M1AP: variants seen among roughly 807,000 people sequenced by gnomAD.
The protein encoded by M1AP is meiosis 1 arrest protein.
In M1AP, 39 loss-of-function variants were observed where a neutral mutation model predicts 51.2. That is an observed-to-expected ratio of 0.76 (90% CI 0.59 to 1.00). M1AP has a LOEUF of 1.00. Among genes scored for constraint, M1AP ranks in the 50% least tolerant of loss-of-function variants. The probability of loss-of-function intolerance (pLI) is 0.00; values close to 1 mark genes in which losing one functional copy is unlikely to be tolerated. For synonymous variants in M1AP, 251 were observed against 249.2 expected, an observed-to-expected ratio of 1.01 and a Z score of -0.07; for missense variants, 545 against 641.2, an observed-to-expected ratio of 0.85 and a Z score of 1.62.
chr2:74,643,020 A>T (rs1274967067), intron 1 of M1AP, among the ~76,000 whole-genome samples: 1 of 152,114 alleles, frequency 6.6e-6, no homozygotes, highest in African/African-American at 2.4e-5. Flanking sequence ...GCCCAGCTAT[A>T]ATTAATTTTT....
intron 5 of M1AP, chr2:74,576,945 C>CT: frequency 9.2e-7 from 1 of 1,091,622 alleles, no homozygotes; most frequent in South Asian, 2.8e-5. Context: ...GCTTGTGATC[C>CT]AGTCTGAGGA....
chr2:74,615,309 G>C (rs1398019024), intron 2 of M1AP, among the ~76,000 whole-genome samples, 160 bp from the exon 3 acceptor site: 1 of 151,666 alleles, frequency 6.6e-6, no homozygotes, highest in Non-Finnish European at 1.5e-5. Context: ...TCTAGCCACT[G>C]CACCAAAATC....
Position 74,575,517 on chromosome 2 carries a change from G to A in M1AP, c.995C>T (p.Pro332Leu). Residue 332 changes from proline (P) to leucine (L), a missense_variant, in exon 7 of 11, where the codon CCT (proline) becomes CTT (leucine). Transcript: ENST00000421985. ...LTYGLPFILR[P>L]TSCWQLDWDE... ...CCAGTCCAGCTGCCAACAGCTTGTA[G>A]GTCTGAGGATGAACGGGAGTCCATA... 1 of 1,614,154 alleles carries A rather than the reference G, an allele frequency of 6.2e-7. No individual in the cohort carries two copies. The highest frequency in any genetic ancestry group is 1.3e-5 in the African/African-American group (1 of 75,034).
At chr2:74,626,627 C>G (rs962509088) in intron 2 of M1AP, among the ~76,000 whole-genome samples, 2 of 152,004 alleles carry the variant, frequency 1.3e-5, no homozygotes, top group Non-Finnish European at 2.9e-5. Flanking sequence ...TGATTGTACT[C>G]AGACTAATAC....
chr2:74,623,038 A>T (rs1682159846), intron 2 of M1AP, among the ~76,000 whole-genome samples: 1 of 152,026 alleles, frequency 6.6e-6, no homozygotes, highest in Non-Finnish European at 1.5e-5. Flanking sequence ...GTAAACACCA[A>T]GTAAGATAAT....
intron 7 of M1AP, among the ~76,000 whole-genome samples, chr2:74,566,668 C>T (rs1344692982): frequency 1.5e-5 from 2 of 136,302 alleles, no homozygotes; most frequent in Non-Finnish European, 3.1e-5. Flanking sequence ...AGATGCTACA[C>T]TGTAACCTCC....
chr2:74,575,444 G>T lies in M1AP; in HGVS notation c.1068C>A (p.Ser356Arg), dbSNP rs1199739442. The T allele has an allele frequency of 3.1e-6, 5 of 1,613,946 alleles. No homozygotes were observed. In the African/African-American group the frequency reaches 4.0e-5, roughly 13 times the overall value. Residue 356 changes from serine to arginine, a missense_variant, in exon 7 of 11, where the codon AGC becomes AGA. Coordinates refer to ENST00000421985, the MANE Select transcript of M1AP (RefSeq NM_001321739.2). ...TGGGGACATGGGTACTCACCAGCAG[G>T]CTGTGACACAAAGCATGGAAATGTT... ...NQQHFHALCH[S>R]LLKREWLLLA...
At chr2:74,609,367 T>C (rs895612301) in intron 3 of M1AP, among the ~76,000 whole-genome samples, 1 of 152,238 alleles carries the variant, frequency 6.6e-6, no homozygotes, top group Non-Finnish European at 1.5e-5. Flanking sequence ...GACTCATCCA[T>C]GTTGTCACAA....
At chr2:74,637,932 C>G (rs934065936) in intron 2 of M1AP, among the ~76,000 whole-genome samples, 8 of 152,250 alleles carry the variant, frequency 5.3e-5, no homozygotes, top group Middle Eastern at 6.8e-3. Flanking sequence ...GCTATTAATA[C>G]CTTGGTCTCT....
intron 2 of M1AP, among the ~76,000 whole-genome samples, chr2:74,631,583 T>G (rs187345645): frequency 2.6e-4 from 39 of 152,294 alleles, no homozygotes; most frequent in African/African-American, 9.4e-4. Flanking sequence ...ATAGCTAAAT[T>G]AGAATACTCT....
At chr2:74,619,893 CAA>C in intron 2 of M1AP, among the ~76,000 whole-genome samples, 1 of 152,246 alleles carries the variant, frequency 6.6e-6, no homozygotes, top group East Asian at 1.9e-4. Flanking sequence ...ATTCTTGGAA[CAA>C]AAAGACACCC....
At chr2:74,596,754 A>G (rs894887499) in intron 4 of M1AP, among the ~76,000 whole-genome samples, 2 of 152,268 alleles carry the variant, frequency 1.3e-5, no homozygotes, top group Admixed American at 6.5e-5. Flanking sequence ...GTTTAAACAA[A>G]ATATGACACA....
At chr2:74,571,370 A>G (rs1312088585) in intron 7 of M1AP, among the ~76,000 whole-genome samples, 1 of 152,228 alleles carries the variant, frequency 6.6e-6, no homozygotes, top group Non-Finnish European at 1.5e-5. Flanking sequence ...AGTTAGAATG[A>G]GAAGTTGGCT....
At chr2:74,617,456 A>G (rs1313111751) in intron 2 of M1AP, among the ~76,000 whole-genome samples, 6 of 152,250 alleles carry the variant, frequency 3.9e-5, no homozygotes. Flanking sequence ...GTTCTGACTT[A>G]TAAGTGCGAG....
At chr2:74,561,184 AAGGAGG>A (rs1558643803) in intron 8 of M1AP, among the ~76,000 whole-genome samples, 1 of 21,224 alleles carries the variant, frequency 4.7e-5, no homozygotes, top group African/African-American at 1.3e-4. Context: ...GGAGGAGGAG[AAGGAGG>A]AGGAGGAGAA....
intron 2 of M1AP, among the ~76,000 whole-genome samples, chr2:74,623,861 A>G (rs1682219423): frequency 6.6e-6 from 1 of 152,068 alleles, no homozygotes; most frequent in African/African-American, 2.4e-5. Context: ...TAGTAGAGAC[A>G]AGGTCTTGCT....
intron 4 of M1AP, among the ~76,000 whole-genome samples, chr2:74,605,526 G>A (rs181305213): frequency 4.6e-5 from 7 of 152,270 alleles, no homozygotes; most frequent in Non-Finnish European, 1.0e-4. Context: ...ATGTACAGTA[G>A]TACAGTATTG....
chr2:74,575,235 C>A lies in M1AP; in HGVS notation c.1074+203G>T, dbSNP rs551425065. Reference sequence around the variant, plus strand: ...GATTTTCAAGTTTAGTGTTGTATAACTGAATTCAGGAATTATTCTCTATAG... The same window carrying A: ...GATTTTCAAGTTTAGTGTTGTATAAATGAATTCAGGAATTATTCTCTATAG... On this transcript the variant is annotated intron_variant, in intron 7 of 10. Transcript: ENST00000421985. 3 of 947,262 alleles carry A rather than the reference C, an allele frequency of 3.2e-6. No individual in the cohort carries two copies. The South Asian group carries it at 1.5e-4, about 46-fold the overall frequency. 58.7% of individuals were successfully genotyped at this position (947,262 alleles called of 1,614,324 possible). A position where few individuals can be genotyped will look rare whatever the true frequency, so the allele number is the denominator to read the frequency against.
chr2:74,620,532 T>C lies in M1AP; in HGVS notation c.241-5383A>G, dbSNP rs536210447. ...ATGTGACTACCATGTAAACTGGGAG[T>C]TGGGAAATTTGGGTTCAAGTGTGTC... is the stretch of plus-strand genomic sequence containing the variant. On this transcript the variant is annotated intron_variant, in intron 2 of 10. Coordinates refer to ENST00000421985, the MANE Select transcript of M1AP (RefSeq NM_001321739.2). Among the ~76,000 whole-genome samples the C allele has an allele frequency of 4.7e-4, 72 of 151,984 alleles. 1 individual carries two copies. Among genetic ancestry groups the C allele is most frequent in the African/African-American group, 1.6e-3 (68 of 41,416 alleles).
Sources: gnomAD v4.1 joint callset for allele counts (sites outside exome capture counted in the v4.1 genomes callset) on GRCh38, gnomAD v4.1.1 for gene constraint, MANE v1.5 for transcripts, NCBI Gene and HGNC (gene_info 2026-07-23, HGNC 2026-07-21) for gene names.